The following SEM1 variants were observed in gnomAD, a reference collection of about 807,000 sequenced individuals.
SEM1 encodes SEM1 26S proteasome subunit, also known as 26S proteasome complex subunit SEM1.
SEM1 carries 3 observed loss-of-function variants against 12.7 expected under a neutral mutation model. The ratio of observed to expected loss-of-function variants is 0.24; its 90% CI spans 0.11 to 0.61. SEM1 has a LOEUF of 0.61. Among genes scored for constraint, SEM1 ranks in the 20% least tolerant of loss-of-function variants. The pLI is 0.88. For synonymous variants in SEM1, 30 were observed against 27.8 expected (o/e 1.08, Z -0.25); for missense variants, 59 against 81.3 (o/e 0.73, Z 1.06).
intron 2 of SEM1, among the ~76,000 whole-genome samples, chr7:96,552,897 T>C (rs1165304137): frequency 6.7e-6 from 1 of 149,616 alleles, no homozygotes; most frequent in Non-Finnish European, 1.5e-5. Flanking sequence ...CTAACTGGTG[T>C]GAGATGGTAT....
At chr7:96,695,603 T>C (rs1183665695) in intron 1 of SEM1, 1 of 151,906 alleles carries the variant, frequency 6.6e-6, no homozygotes, top group Non-Finnish European at 1.5e-5. Flanking sequence ...ATCTATTTGA[T>C]AGTTATTTTA....
chr7:96,664,793 C>T (rs1489330794), intron 2 of SEM1, among the ~76,000 whole-genome samples: 1 of 152,064 alleles, frequency 6.6e-6, no homozygotes, highest in East Asian at 1.9e-4. Flanking sequence ...TGGAAACAAA[C>T]CAAGTGTTCA....
chr7:96,647,409 T>C (rs1584831391), intron 2 of SEM1: 1 of 152,214 alleles, frequency 6.6e-6, no homozygotes, highest in East Asian at 1.9e-4. Context: ...TCTTAGAAAA[T>C]ATATCCAGCA....
At chr7:96,556,393 C>G (rs917531761) in intron 2 of SEM1, among the ~76,000 whole-genome samples, 23 of 152,008 alleles carry the variant, frequency 1.5e-4, no homozygotes, top group African/African-American at 5.1e-4. Context: ...CTGGTGGTGA[C>G]AAAATTTCTT....
intron 2 of SEM1, among the ~76,000 whole-genome samples, chr7:96,604,887 C>A (rs1807298445): frequency 4.7e-5 from 1 of 21,390 alleles, no homozygotes. Flanking sequence ...CCACTGCACT[C>A]CAGCCTGGGC....
At chr7:96,556,888 T>C in intron 2 of SEM1, among the ~76,000 whole-genome samples, 1 of 137,660 alleles carries the variant, frequency 7.3e-6, no homozygotes, top group African/African-American at 2.7e-5. Context: ...CTTTGCTCAT[T>C]TCTTTTTATT....
At position 96,582,213 on chromosome 7, in the gene SEM1, G is replaced by A. The variant is rs1406936800; in HGVS notation, c.171-75515C>T. 2.0e-3 allele frequency among the ~76,000 whole-genome samples: 300 copies of A among 150,934 alleles called. 1 individual carries two copies. Among genetic ancestry groups the A allele is most frequent in the African/African-American group, 7.2e-3 (296 of 41,072 alleles). On this transcript the variant is annotated intron_variant and NMD_transcript_variant, in intron 2 of 3. Coordinates refer to the SEM1 transcript ENST00000466986. ...TTGAATTTTGTCAAAGGCCTTTTCT[G>A]CATCTATTGAGATAATCATGTGGTT...
At chr7:96,524,553 A>T (rs1194388189) in intron 2 of SEM1, among the ~76,000 whole-genome samples, 1 of 152,228 alleles carries the variant, frequency 6.6e-6, no homozygotes, top group Admixed American at 6.5e-5. Flanking sequence ...TTCATATATC[A>T]TTTCAAATTT....
At position 96,519,981 on chromosome 7, in the gene SEM1, G is replaced by A. The variant is rs1376559582; in HGVS notation, c.171-13283C>T. The stretch of plus-strand genomic sequence containing the variant: ...ATTAGAAATTCGGCTCTTATCTCAT[G>A]GGAAGTGAAACCCACTTCAGTCCAA... On this transcript the variant is annotated intron_variant and NMD_transcript_variant, in intron 2 of 3. Transcript: ENST00000466986. 2.0e-5 allele frequency among the ~76,000 whole-genome samples: 3 copies of A among 152,090 alleles called. No homozygotes were observed. The East Asian group carries it at 5.8e-4, about 29-fold the overall frequency.
At chr7:96,558,562 G>A (rs547951386) in intron 2 of SEM1, among the ~76,000 whole-genome samples, 2 of 152,254 alleles carry the variant, frequency 1.3e-5, no homozygotes, top group South Asian at 4.1e-4. Flanking sequence ...AGAATGAAGA[G>A]CATGGCCTAG....
At chr7:96,619,889 G>A (rs1009574979), downstream of SEM1, among the ~76,000 whole-genome samples, 2 of 152,202 alleles carry the variant, frequency 1.3e-5, no homozygotes, top group Admixed American at 1.3e-4. Flanking sequence ...CCAAGGGCAG[G>A]GGGAAGCCTA....
intron 2 of SEM1, among the ~76,000 whole-genome samples, chr7:96,518,563 ACTG>A (rs989028117): frequency 1.8e-4 from 28 of 152,090 alleles, no homozygotes; most frequent in African/African-American, 6.8e-4. Flanking sequence ...TTGGGATATC[ACTG>A]CTGCCAGTTA....
At chr7:96,654,908 G>A in intron 2 of SEM1, among the ~76,000 whole-genome samples, 1 of 152,140 alleles carries the variant, frequency 6.6e-6, no homozygotes, top group Non-Finnish European at 1.5e-5. Context: ...GATGTCGCAA[G>A]CTCTCTGCAG....
downstream of SEM1, among the ~76,000 whole-genome samples, chr7:96,685,565 G>A (rs1041518976): frequency 2.6e-5 from 4 of 151,838 alleles, no homozygotes; most frequent in African/African-American, 9.7e-5. Context: ...TTTTTGTTTC[G>A]TTTTGTTTGG....
chr7:96,600,298 T>G (rs1325093328), intron 2 of SEM1, among the ~76,000 whole-genome samples: 1 of 152,188 alleles, frequency 6.6e-6, no homozygotes, highest in Non-Finnish European at 1.5e-5. Context: ...AGAGAAATGT[T>G]TGAGAACAGA....
intron 2 of SEM1, among the ~76,000 whole-genome samples, chr7:96,647,099 C>T (rs1808818293): frequency 6.6e-6 from 1 of 152,178 alleles, no homozygotes; most frequent in Non-Finnish European, 1.5e-5. Flanking sequence ...CTGGTGTGCT[C>T]TGCAGCCACC....
At chr7:96,678,082 G>T (rs1004392425) in intron 2 of SEM1, among the ~76,000 whole-genome samples, 5 of 152,224 alleles carry the variant, frequency 3.3e-5, no homozygotes, top group Admixed American at 2.0e-4. Flanking sequence ...AATGTTATTT[G>T]TTCTCATCCT....
intron 2 of SEM1, among the ~76,000 whole-genome samples, chr7:96,524,561 T>A (rs1804389135): frequency 6.6e-6 from 1 of 152,048 alleles, no homozygotes; most frequent in African/African-American, 2.4e-5. Flanking sequence ...TCATTTCAAA[T>A]TTTCTAGTAA....
chr7:96,547,088 T>C (rs1368486578), intron 2 of SEM1, among the ~76,000 whole-genome samples: 3 of 152,172 alleles, frequency 2.0e-5, no homozygotes, highest in Non-Finnish European at 4.4e-5. Flanking sequence ...CTGTTTGTTA[T>C]TGAGACAGCA....
Sources: gnomAD v4.1 joint callset for allele counts (sites outside exome capture counted in the v4.1 genomes callset) on GRCh38, gnomAD v4.1.1 for gene constraint, MANE v1.5 for transcripts, NCBI Gene and HGNC (gene_info 2026-07-23, HGNC 2026-07-21) for gene names.